The following CUBN variants were observed in gnomAD, a reference collection of about 807,000 sequenced individuals.
The protein encoded by CUBN is 460 kDa receptor.
CUBN carries 282 observed loss-of-function variants against 405.3 expected under a neutral mutation model. The ratio of observed to expected loss-of-function variants is 0.70; its 90% CI spans 0.63 to 0.77. CUBN has a LOEUF of 0.77. Among genes scored for constraint, CUBN ranks in the 30% least tolerant of loss-of-function variants. The probability of loss-of-function intolerance (pLI) is 0.00; values close to 1 mark genes in which losing one functional copy is unlikely to be tolerated. For missense variants in CUBN, 4,514 were observed against 4,475.2 expected, an observed-to-expected ratio of 1.01 and a Z score of -0.25; for synonymous variants, 1,684 against 1,617.0, an observed-to-expected ratio of 1.04 and a Z score of -0.99.
intron 56 of CUBN, among the ~76,000 whole-genome samples, chr10:16,883,217 C>T (rs544011843): frequency 1.3e-5 from 2 of 152,238 alleles, no homozygotes; most frequent in Admixed American, 1.3e-4. Flanking sequence ...CTGGTCTCCT[C>T]TACGGAGGCA....
intron 51 of CUBN, among the ~76,000 whole-genome samples, chr10:16,902,728 A>G (rs997212020): frequency 2.6e-5 from 4 of 152,182 alleles, no homozygotes; most frequent in African/African-American, 9.7e-5. Flanking sequence ...GCTCCCCAAA[A>G]TCTAGAAGCA....
chr10:17,004,236 C>A (rs1176582165), intron 28 of CUBN, among the ~76,000 whole-genome samples: 1 of 152,242 alleles, frequency 6.6e-6, no homozygotes, highest in Admixed American at 6.5e-5. Context: ...GTTTTCTACA[C>A]CTGCTTCCTA....
intron 22 of CUBN, among the ~76,000 whole-genome samples, chr10:17,051,292 T>C (rs1422499305): frequency 6.6e-6 from 1 of 151,492 alleles, no homozygotes; most frequent in Admixed American, 6.6e-5. Context: ...ACCTGGGAGG[T>C]GGAGCTTGCG....
At chr10:16,831,478 A>C in intron 64 of CUBN, 61 bp from the exon 65 acceptor site, 1 of 1,373,530 alleles carries the variant, frequency 7.3e-7, no homozygotes, top group African/African-American at 1.4e-5. Context: ...ATATACATTA[A>C]AATGGAGACA....
At chr10:16,838,250 C>T (rs1190524533) in intron 62 of CUBN, among the ~76,000 whole-genome samples, 1 of 152,132 alleles carries the variant, frequency 6.6e-6, no homozygotes, top group African/African-American at 2.4e-5. Flanking sequence ...CCAGCAAGAC[C>T]ACATGAGAAG....
chr10:17,023,644 A>G (rs1248210935), intron 27 of CUBN: 5 of 455,920 alleles, frequency 1.1e-5, no homozygotes, highest in South Asian at 7.7e-5. Context: ...CATTGCAACT[A>G]CTGACAAGCA....
chr10:16,877,028 G>A lies in CUBN; in HGVS notation c.8975C>T (p.Ser2992Phe). 1.2e-6 allele frequency: 2 copies of A among 1,614,128 alleles called. No individual in the cohort carries two copies. Among genetic ancestry groups the A allele is most frequent in the Non-Finnish European group, 1.7e-6 (2 of 1,179,998 alleles). ...VHIIRGYSVM[S>F]TPFATVCGDE... ...CCCACACACAGTAGCAAATGGGGTG[G>A]ACATGACGCTGTAACCTCTGATAAT... Residue 2992 changes from serine to phenylalanine, a missense_variant, in exon 57 of 67, where the codon TCC becomes TTC. Ser to Phe is a radical substitution (Grantham distance 155, BLOSUM62 -2). This residue lies in a region of CUBN where 1,186 missense variants were observed against 1,186.9 expected (regional missense o/e 1.00). Coordinates refer to ENST00000377833, the MANE Select transcript of CUBN (RefSeq NM_001081.4).
At chr10:17,035,532 T>A (rs1001474681) in intron 27 of CUBN, among the ~76,000 whole-genome samples, 7 of 152,092 alleles carry the variant, frequency 4.6e-5, no homozygotes, top group South Asian at 2.1e-4. Flanking sequence ...TTCAATGAAC[T>A]TTTCCAGGCT....
intron 24 of CUBN, 45 bp downstream of exon 24, chr10:17,045,889 A>G: frequency 6.2e-7 from 1 of 1,600,510 alleles, no homozygotes; most frequent in African/African-American, 1.3e-5. Flanking sequence ...TCAAGAAACC[A>G]ATCAGATTGG....
At position 17,014,070 on chromosome 10, in the gene CUBN, G is replaced by A. The variant is rs950036168; in HGVS notation, c.4168+5763C>T. On this transcript the variant is annotated intron_variant, in intron 28 of 66. Transcript: ENST00000377833. ...AGTAGCACCTGGTATCTAAGTAGGCGGTTGTCTGATAGCCATAAACTTCCT... is the reference window on the plus strand; with the variant it reads ...AGTAGCACCTGGTATCTAAGTAGGCAGTTGTCTGATAGCCATAAACTTCCT... Among the ~76,000 whole-genome samples the A allele has an allele frequency of 1.1e-4, 16 of 152,254 alleles. 1 individual carries two copies. The highest frequency in any genetic ancestry group is 8.3e-4 in the South Asian group (4 of 4,824).
chr10:17,068,770 T>C lies in CUBN; in HGVS notation c.2626A>G (p.Ile876Val), dbSNP rs1446815391. The change falls in exon 20 of 67, where the codon ATT becomes GTT. Residue 876 changes from isoleucine (I) to valine (V), a missense_variant and splice_region_variant. Physicochemically the swap from Ile to Val is conservative, Grantham distance 29. Coordinates refer to ENST00000377833, the MANE Select transcript of CUBN (RefSeq NM_001081.4). Reference protein sequence around the residue: ...SAHCETDYVEIGSSSILGSPE... With the variant: ...SAHCETDYVEVGSSSILGSPE... ...GAACCCAAAATGGAACTGCTACCAA[T>C]CTAAAATTAGAGAAGATATGTTCAA... The C allele has an allele frequency of 1.9e-6, 3 of 1,608,140 alleles. No homozygotes were observed. The highest frequency in any genetic ancestry group is 1.7e-6 in the Non-Finnish European group (2 of 1,174,934).
At chr10:16,854,713 G>A (rs2131343848) in intron 59 of CUBN, among the ~76,000 whole-genome samples, 1 of 152,248 alleles carries the variant, frequency 6.6e-6, no homozygotes, top group Middle Eastern at 3.4e-3. Context: ...TTACTAATAA[G>A]TTCATAAGGG....
intron 38 of CUBN, 72 bp from the exon 39 acceptor site, chr10:16,937,856 G>C: frequency 7.3e-7 from 1 of 1,376,204 alleles, no homozygotes; most frequent in Non-Finnish European, 1.0e-6. Context: ...AAATAAAAAA[G>C]ATGCCTTATA....
chr10:17,096,327 T>C (rs1407057206), intron 14 of CUBN, among the ~76,000 whole-genome samples: 1 of 152,170 alleles, frequency 6.6e-6, no homozygotes, highest in African/African-American at 2.4e-5. Flanking sequence ...ATGATAGATA[T>C]ATTAGTTACA....
At chr10:16,965,810 T>C in intron 31 of CUBN, 1 of 316,062 alleles carries the variant, frequency 3.2e-6, no homozygotes, top group Non-Finnish European at 6.2e-6. Flanking sequence ...AACCAGACAC[T>C]GATAGGTACT....
chr10:16,871,430 T>A (rs1338266779), intron 58 of CUBN, among the ~76,000 whole-genome samples: 1 of 149,142 alleles, frequency 6.7e-6, no homozygotes, highest in African/African-American at 2.4e-5. Flanking sequence ...TATATATTTA[T>A]ATATAAAATA....
rs1841868641 is a variant in CUBN, at chr10:16,915,898, G to A, written c.7133C>T (p.Ser2378Phe). The part of the protein sequence containing the change: ...QGLSGHYLTI[S>F]FEDFNLQNSS... The stretch of plus-strand genomic sequence containing the variant: ...ATTCTGAAGGTTAAAGTCTTCAAAA[G>A]AGATGGTGAGATAGTGTCCAGAGAG... Residue 2378 changes from serine (S) to phenylalanine (F), a missense_variant, in exon 46 of 67, where the codon TCT becomes TTT. Transcript: ENST00000377833. 6.2e-7 allele frequency: 1 copy of A among 1,614,174 alleles called. No individual in the cohort carries two copies. The highest frequency in any genetic ancestry group is 8.5e-7 in the Non-Finnish European group (1 of 1,180,022).
chr10:17,042,052 T>C (rs1427982046), intron 26 of CUBN, among the ~76,000 whole-genome samples: 3 of 152,190 alleles, frequency 2.0e-5, no homozygotes, highest in Non-Finnish European at 4.4e-5. Context: ...ATGAGCTGTC[T>C]CTGAAAGTGT....
chr10:16,978,405 T>G (rs2131686559), intron 31 of CUBN, among the ~76,000 whole-genome samples: 1 of 152,344 alleles, frequency 6.6e-6, no homozygotes, highest in East Asian at 1.9e-4. Context: ...CAAAATGGTC[T>G]TTGTCAGGAG....
Sources: gnomAD v4.1 joint callset for allele counts (sites outside exome capture counted in the v4.1 genomes callset) on GRCh38, gnomAD v4.1.1 for gene constraint, gnomAD v4.1.1 regional missense constraint, MANE v1.5 for transcripts, NCBI Gene and HGNC (gene_info 2026-07-23, HGNC 2026-07-21) for gene names.